SLC66A1: variants seen among roughly 807,000 people sequenced by gnomAD.
The protein encoded by SLC66A1 is solute carrier family 66 member 1, also known as lysosomal amino acid transporter 1 homolog.
In SLC66A1, 23 loss-of-function variants were observed where a neutral mutation model predicts 33.0. That is an observed-to-expected ratio of 0.70 (90% confidence interval 0.50 to 0.99). The LOEUF (loss-of-function observed/expected upper bound fraction) is 0.99. Ranked by LOEUF, SLC66A1 falls within the 50% of genes least tolerant of loss-of-function variation. The probability of loss-of-function intolerance (pLI) is 0.00; values close to 1 mark genes in which losing one functional copy is unlikely to be tolerated. For synonymous variants in SLC66A1, 164 were observed against 175.5 expected, an observed-to-expected ratio of 0.93 and a Z score of 0.52; for missense variants, 335 against 383.6, an observed-to-expected ratio of 0.87 and a Z score of 1.06.
downstream of SLC66A1, among the ~76,000 whole-genome samples, chr1:19,330,391 C>T (rs1052942602): frequency 2.0e-5 from 3 of 152,144 alleles, no homozygotes; most frequent in Admixed American, 6.6e-5. Context: ...ATTCTGGTGC[C>T]GCAGATCCTT....
Position 19,327,352 on chromosome 1 carries a change from C to T in SLC66A1, c.744C>T (p.Tyr248=). 6.2e-7 allele frequency: 1 copy of T among 1,610,478 alleles called. No individual in the cohort carries two copies. Among genetic ancestry groups the T allele is most frequent in the South Asian group, 1.1e-5 (1 of 90,622 alleles). Residue 248 remains tyrosine (Y), a synonymous_variant, in exon 7 of 8, where the codon TAC becomes TAT. Transcript: ENST00000375153. ...NPEEGQSEGS[Y]LLHHLPWLVG... is the part of the protein sequence containing the mutation. The stretch of plus-strand genomic sequence containing the variant: ...AGGAGGGCCAGAGCGAGGGCAGCTA[C>T]CTGCTGCACCACCTGCCCTGGCTTG...
At chr1:19,325,722 CT>C in intron 4 of SLC66A1, 140 bp downstream of exon 4, 1 of 739,188 alleles carries the variant, frequency 1.4e-6, no homozygotes, top group Non-Finnish European at 2.2e-6. Flanking sequence ...TTCCCCGGGC[CT>C]TATCTAAGAG....
Position 19,327,517 on chromosome 1 carries a change from G to GTCCA in SLC66A1, c.804+117_804+120dup, listed in dbSNP as rs1312797952. On this transcript the variant is annotated intron_variant, in intron 7 of 7. Transcript: ENST00000375153. ...CGTCTCTTCCTCCCTTCATCCATCCGTCCATCCATCCATCCCTCCCTCCCT... is the reference window on the plus strand; with the variant it reads ...CGTCTCTTCCTCCCTTCATCCATCCGTCCATCCATCCATCCATCCCTCCCTCCCT... The GTCCA allele has an allele frequency of 1.8e-4, 155 of 845,484 alleles. 4 individuals are homozygous for GTCCA. The East Asian group carries it at 3.0e-3, about 16-fold the overall frequency. 52.4% of individuals were successfully genotyped at this position (845,484 alleles called of 1,614,324 possible). A position where few individuals can be genotyped will look rare whatever the true frequency, so the allele number is the denominator to read the frequency against.
chr1:19,325,543 C>G lies in SLC66A1; in HGVS notation c.343C>G (p.Leu115Val), dbSNP rs2093859711. ...YVLADLVMLTLYFYYKFRTRP... is the reference protein window; with the variant it reads ...YVLADLVMLTVYFYYKFRTRP... ...CTTGGCAGACCTGGTGATGCTGACGCTGTACTTTTACTACAAGTTCAGGAC... is the reference window on the plus strand; with the variant it reads ...CTTGGCAGACCTGGTGATGCTGACGGTGTACTTTTACTACAAGTTCAGGAC... The change falls in exon 4 of 8, where the codon CTG becomes GTG. Residue 115 changes from leucine (L) to valine (V), a missense_variant. Coordinates refer to ENST00000375153, the MANE Select transcript of SLC66A1 (RefSeq NM_001040125.2). 6.2e-7 allele frequency: 1 copy of G among 1,605,654 alleles called. No homozygotes were observed. The highest frequency in any genetic ancestry group is 1.3e-5 in the African/African-American group (1 of 74,194).
At chr1:19,314,322 C>T (rs560314791) in intron 1 of SLC66A1, among the ~76,000 whole-genome samples, 19 of 152,302 alleles carry the variant, frequency 1.2e-4, no homozygotes, top group African/African-American at 3.6e-4. Flanking sequence ...CTCCCCAACA[C>T]GCACGCATAC....
chr1:19,327,501 C>T, intron 7 of SLC66A1, 89 bp downstream of exon 7: 1 of 1,364,032 alleles, frequency 7.3e-7, no homozygotes, highest in Non-Finnish European at 1.0e-6. Context: ...CCGTCTCTTC[C>T]TCCCTTCATC....
At chr1:19,313,522 A>G (rs2093788835) in intron 1 of SLC66A1, among the ~76,000 whole-genome samples, 1 of 152,202 alleles carries the variant, frequency 6.6e-6, no homozygotes, top group Non-Finnish European at 1.5e-5. Context: ...GTGTGTGGAC[A>G]AGGGGAGAGG....
intron 2 of SLC66A1, among the ~76,000 whole-genome samples, chr1:19,323,379 G>T (rs2152008660): frequency 6.6e-6 from 1 of 151,988 alleles, no homozygotes; most frequent in African/African-American, 2.4e-5. Flanking sequence ...GGGATGAGCT[G>T]CCATTTAGTT....
Position 19,328,162 on chromosome 1 carries a change from C to A in SLC66A1, c.805-410C>A. 3.3e-6 allele frequency: 1 copy of A among 307,496 alleles called. No individual in the cohort carries two copies. The highest frequency in any genetic ancestry group is 5.0e-5 in the Admixed American group (1 of 19,938). The allele number at this position is 307,496 out of a possible 1,614,324, so 19.0% of individuals were successfully genotyped here. A position where few individuals can be genotyped will look rare whatever the true frequency, so the allele number is the denominator to read the frequency against. On this transcript the variant is annotated intron_variant, in intron 7 of 7. Coordinates refer to ENST00000375153, the MANE Select transcript of SLC66A1 (RefSeq NM_001040125.2). The surrounding 1 kb of genome is among the most constrained non-coding windows in gnomAD (Gnocchi z 4.7). ...TGGGTCTCATTTCGGAGCAAGTAAACATGGCCTTTGTTTTAATATTTGTTA... is the reference window on the plus strand; with the variant it reads ...TGGGTCTCATTTCGGAGCAAGTAAAAATGGCCTTTGTTTTAATATTTGTTA...
intron 2 of SLC66A1, 46 bp downstream of exon 2, chr1:19,317,887 G>A: frequency 1.3e-6 from 2 of 1,585,328 alleles, no homozygotes; most frequent in Non-Finnish European, 1.7e-6. Flanking sequence ...CTGTGGGGTT[G>A]AGGCAGTGGC....
chr1:19,319,756 A>AGCGGGGTGTGGTG (rs2152002931), intron 2 of SLC66A1, among the ~76,000 whole-genome samples: 1 of 151,054 alleles, frequency 6.6e-6, no homozygotes, highest in South Asian at 2.1e-4. Context: ...TACAAAAATT[A>AGCGGGGTGTGGTG]GCGGGGTGTG....
At chr1:19,318,963 T>C (rs1276102905) in intron 2 of SLC66A1, among the ~76,000 whole-genome samples, 2 of 152,042 alleles carry the variant, frequency 1.3e-5, no homozygotes, top group Admixed American at 6.6e-5. Flanking sequence ...GCTGCGTTTA[T>C]ATAGTGGACA....
At chr1:19,321,567 A>ATTT (rs35415316) in intron 2 of SLC66A1, among the ~76,000 whole-genome samples, 9 of 132,442 alleles carry the variant, frequency 6.8e-5, no homozygotes, top group African/African-American at 3.1e-5. Flanking sequence ...GTCCAACCTC[A>ATTT]TTTTTTTTTT....
intron 2 of SLC66A1, among the ~76,000 whole-genome samples, chr1:19,321,567 A>ATTTT (rs35415316): frequency 6.8e-5 from 9 of 132,446 alleles, no homozygotes; most frequent in Non-Finnish European, 4.7e-5. Flanking sequence ...GTCCAACCTC[A>ATTTT]TTTTTTTTTT....
chr1:19,323,551 C>T (rs1332064157), intron 2 of SLC66A1, among the ~76,000 whole-genome samples: 1 of 152,202 alleles, frequency 6.6e-6, no homozygotes, highest in South Asian at 2.1e-4. Context: ...GGATTACAGG[C>T]GTGCGCCACC....
At chr1:19,314,245 T>A (rs1043140461) in intron 1 of SLC66A1, among the ~76,000 whole-genome samples, 1 of 152,172 alleles carries the variant, frequency 6.6e-6, no homozygotes, top group East Asian at 1.9e-4. Context: ...ATGGGTCCTG[T>A]CCAAGGTCAG....
chr1:19,324,876 T>C, intron 3 of SLC66A1, 114 bp downstream of exon 3: 1 of 1,389,690 alleles, frequency 7.2e-7, no homozygotes. Context: ...CCCTGACCCG[T>C]CATTCCATCT....
intron 1 of SLC66A1, among the ~76,000 whole-genome samples, chr1:19,313,853 A>T (rs1309832398): frequency 3.9e-5 from 6 of 152,322 alleles, no homozygotes; most frequent in Admixed American, 2.0e-4. Context: ...GCTTGGGATC[A>T]GGGAGAGGAG....
intron 1 of SLC66A1, among the ~76,000 whole-genome samples, chr1:19,316,011 G>A (rs552901835): frequency 1.3e-5 from 2 of 152,180 alleles, no homozygotes; most frequent in Non-Finnish European, 2.9e-5. Context: ...CTGTGGTGAT[G>A]ATCACTGATG....
Sources: gnomAD v4.1 joint callset for allele counts (sites outside exome capture counted in the v4.1 genomes callset) on GRCh38, gnomAD v4.1.1 for gene constraint, Gnocchi (gnomAD v3.1) non-coding constraint, MANE v1.5 for transcripts, NCBI Gene and HGNC (gene_info 2026-07-23, HGNC 2026-07-21) for gene names.